Variants in SPTBN4 observed in about 807,000 individuals in gnomAD.
The protein encoded by SPTBN4 is spectrin beta, non-erythrocytic 4, also known as spectrin beta chain, non-erythrocytic 4.
A neutral mutation model predicts 277.8 loss-of-function variants in SPTBN4; 96 were observed. That is an observed-to-expected ratio of 0.35 (90% confidence interval 0.29 to 0.41). The LOEUF (loss-of-function observed/expected upper bound fraction) is 0.41. Ranked by LOEUF, SPTBN4 falls within the 10% of genes least tolerant of loss-of-function variation. SPTBN4 has a pLI of 1.00. For missense variants in SPTBN4, 3,006 were observed against 3,595.7 expected, an observed-to-expected ratio of 0.84 and a Z score of 4.19; for synonymous variants, 1,481 against 1,580.3, an observed-to-expected ratio of 0.94 and a Z score of 1.49.
chr19:40,506,499 G>A, intron 13 of SPTBN4, 113 bp downstream of exon 13: 1 of 1,413,168 alleles, frequency 7.1e-7, no homozygotes, highest in Non-Finnish European at 9.3e-7. Context: ...GTCCTTGGAG[G>A]CATTTAAGCA....
At chr19:40,511,375 T>A (rs987032530) in intron 13 of SPTBN4, among the ~76,000 whole-genome samples, 7 of 152,144 alleles carry the variant, frequency 4.6e-5, no homozygotes, top group African/African-American at 1.7e-4. Context: ...GCCATTGCAC[T>A]CCAGCCCAGG....
chr19:40,567,893 G>C lies in SPTBN4; in HGVS notation c.6567G>C (p.Gln2189His), dbSNP rs2081111673. 6.6e-7 allele frequency: 1 copy of C among 1,523,730 alleles called. No homozygotes were observed. The highest frequency in any genetic ancestry group is 2.7e-5 in the East Asian group (1 of 37,622). The allele number at this position is 1,523,730 out of a possible 1,614,324, so 94.4% of individuals were successfully genotyped here. Residue 2189 changes from glutamine to histidine, a missense_variant, in exon 31 of 36, where the codon CAG becomes CAC. By Grantham distance (24) the Gln-to-His change is conservative. Coordinates refer to ENST00000598249, the MANE Select transcript of SPTBN4 (RefSeq NM_020971.3). ...AGGAGCTCAAGCCCGAGCGCCTCCA[G>C]CCGCGCATTGACCGGCTGCCGGAGA... ...VRQELKPERL[Q>H]PRIDRLPEIP...
Position 40,520,133 on chromosome 19 carries a change from C to T in SPTBN4, c.3636C>T (p.Leu1212=), listed in dbSNP as rs772871461. The part of the protein sequence containing the change: ...QLFLRDLRQA[L]VVLRNQEMAL... ...TCCTGCGGGATCTACGCCAGGCGCTCGTGGTGCTGCGTAACCAGGTGCCCA... is the reference window on the plus strand; with the variant it reads ...TCCTGCGGGATCTACGCCAGGCGCTTGTGGTGCTGCGTAACCAGGTGCCCA... The change falls in exon 16 of 36, where the codon CTC becomes CTT. Residue 1212 remains leucine, a synonymous_variant. Transcript: ENST00000598249. The T allele has an allele frequency of 2.1e-6, 3 of 1,439,116 alleles. No homozygotes were observed. Among genetic ancestry groups the T allele is most frequent in the East Asian group, 5.4e-5 (2 of 36,968 alleles). The allele number at this position is 1,439,116 out of a possible 1,614,324, so 89.1% of individuals were successfully genotyped here. A position where few individuals can be genotyped will look rare whatever the true frequency, so the allele number is the denominator to read the frequency against.
chr19:40,536,981 A>G (rs1599779045), intron 20 of SPTBN4, among the ~76,000 whole-genome samples: 2 of 150,716 alleles, frequency 1.3e-5, no homozygotes, highest in African/African-American at 2.4e-5. Context: ...GAATCTCACT[A>G]TGTTGGCCAG....
At position 40,569,936 on chromosome 19, in the gene SPTBN4, C is replaced by CCACACACACACACACA. The variant is rs60074818; in HGVS notation, c.7026+233_7026+248dup. ...TACCTAAGAGACCCCTACTGCCCCT[C>CCACACACACACACACA]CACACACACACACACACACACACAC... On this transcript the variant is annotated intron_variant, in intron 32 of 35. Coordinates refer to ENST00000598249, the MANE Select transcript of SPTBN4 (RefSeq NM_020971.3). Among the ~76,000 whole-genome samples the CCACACACACACACACA allele has an allele frequency of 5.6e-4, 73 of 131,462 alleles. 1 individual carries two copies. The highest frequency in any genetic ancestry group is 5.6e-4 in the African/African-American group (19 of 33,636). The allele number at this position is 131,462 out of a possible 152,430, so 86.2% of individuals were successfully genotyped here.
At chr19:40,511,099 G>C (rs1018795873) in intron 13 of SPTBN4, among the ~76,000 whole-genome samples, 5 of 151,978 alleles carry the variant, frequency 3.3e-5, no homozygotes, top group African/African-American at 4.8e-5. Context: ...GGCTAACACA[G>C]AGGTTTTATA....
At chr19:40,574,677 C>T (rs1409224695) in intron 35 of SPTBN4, among the ~76,000 whole-genome samples, 3 of 152,022 alleles carry the variant, frequency 2.0e-5, no homozygotes, top group African/African-American at 7.2e-5. Flanking sequence ...TAGGCCTTTA[C>T]CCACTACATG....
Position 40,532,658 on chromosome 19 carries a change from G to T in SPTBN4, c.3982G>T (p.Ala1328Ser), listed in dbSNP as rs1231327764. Residue 1328 changes from alanine to serine, a missense_variant, in exon 19 of 36, where the codon GCG becomes TCG. By Grantham distance (99) the Ala-to-Ser change is moderately conservative. Coordinates refer to ENST00000598249, the MANE Select transcript of SPTBN4 (RefSeq NM_020971.3). ...DGWIHEKMLM[A>S]RDGTREDNHK... is the part of the protein sequence containing the mutation. ...CTGGATCCATGAGAAGATGCTGATGGCGCGGGATGGCACGCGGGAGGACAA... is the reference window on the plus strand; with the variant it reads ...CTGGATCCATGAGAAGATGCTGATGTCGCGGGATGGCACGCGGGAGGACAA... The T allele has an allele frequency of 5.0e-6, 8 of 1,613,440 alleles. No individual in the cohort carries two copies. Among genetic ancestry groups the T allele is most frequent in the Non-Finnish European group, 5.1e-6 (6 of 1,179,704 alleles).
At position 40,490,422 on chromosome 19, in the gene SPTBN4, C is replaced by T. The variant is rs1028354595; in HGVS notation, c.495+174C>T. 6.6e-6 allele frequency among the ~76,000 whole-genome samples: 1 copy of T among 152,182 alleles called. No individual in the cohort carries two copies. Among genetic ancestry groups the T allele is most frequent in the South Asian group, 2.1e-4 (1 of 4,832 alleles). On this transcript the variant is annotated intron_variant, in intron 4 of 35. Transcript: ENST00000598249. The surrounding 1 kb of genome is among the most constrained non-coding windows in gnomAD (Gnocchi z 4.3). ...ATAATTGTCACGATCACCACCATCACGATAATCATTTTGTATCGACCCTGT... is the reference window on the plus strand; with the variant it reads ...ATAATTGTCACGATCACCACCATCATGATAATCATTTTGTATCGACCCTGT...
intron 20 of SPTBN4, among the ~76,000 whole-genome samples, chr19:40,542,535 G>A: frequency 6.6e-6 from 1 of 152,068 alleles, no homozygotes; most frequent in Non-Finnish European, 1.5e-5. Flanking sequence ...CCTGCCAGAT[G>A]AGAAAATGCA....
In SPTBN4 at chr19:40,478,117, A is replaced by G. The variant is rs570183396; in HGVS notation, c.169+5327A>G. Among the ~76,000 whole-genome samples, 9 of 152,058 alleles carry G rather than the reference A, an allele frequency of 5.9e-5. No individual in the cohort carries two copies. In the East Asian group the frequency reaches 1.8e-3, roughly 30 times the overall value. The stretch of plus-strand genomic sequence containing the variant: ...AGCTTCCCAAAGTGCTGGGATTACA[A>G]GCATAAGCCACTGAGCCTGGCAGAA... On this transcript the variant is annotated intron_variant, in intron 2 of 35. Coordinates refer to ENST00000598249, the MANE Select transcript of SPTBN4 (RefSeq NM_020971.3).
intron 17 of SPTBN4, chr19:40,524,729 C>A (rs2080570118): frequency 2.4e-6 from 1 of 413,944 alleles, no homozygotes. Flanking sequence ...CTCTAGGAAG[C>A]ATGCAAAGTG....
chr19:40,502,480 G>A lies in SPTBN4; in HGVS notation c.1176G>A (p.Glu392=), dbSNP rs754457450. Residue 392 remains glutamate, a synonymous_variant, in exon 10 of 36, where the codon GAG becomes GAA. Transcript: ENST00000598249. This position sits in a 1 kb window ranked among gnomAD's most constrained non-coding sequence, Gnocchi z 4.9. ...ACNRRLFVPR[E]GCGIWDIDKA... is the part of the protein sequence containing the mutation. Reference sequence around the variant, plus strand: ...ACCGTCGCCTCTTTGTGCCTCGGGAGGGCTGTGGCATCTGGGATATTGACA... The same window carrying A: ...ACCGTCGCCTCTTTGTGCCTCGGGAAGGCTGTGGCATCTGGGATATTGACA... The A allele has an allele frequency of 6.2e-7, 1 of 1,613,326 alleles. No homozygotes were observed. Among genetic ancestry groups the A allele is most frequent in the Non-Finnish European group, 8.5e-7 (1 of 1,179,862 alleles).
chr19:40,545,847 C>T (rs561797879), intron 20 of SPTBN4, among the ~76,000 whole-genome samples: 2 of 152,162 alleles, frequency 1.3e-5, no homozygotes, highest in East Asian at 3.9e-4. Flanking sequence ...CGAGACCATC[C>T]TGGCTAACAT....
chr19:40,495,263 AC>A (rs1371263262), intron 6 of SPTBN4, among the ~76,000 whole-genome samples: 1 of 152,036 alleles, frequency 6.6e-6, no homozygotes, highest in Non-Finnish European at 1.5e-5. Context: ...ATACCCACGC[AC>A]GTGCACAGCC....
intron 15 of SPTBN4, among the ~76,000 whole-genome samples, chr19:40,516,175 T>C (rs61631675): frequency 0.15 from 21,707 of 147,826 alleles, 2,220 homozygotes; most frequent in African/African-American, 0.29. Context: ...GAGGTAGAGA[T>C]TGCAGTGAGC....
chr19:40,512,126 C>T (rs2080397891), intron 13 of SPTBN4, among the ~76,000 whole-genome samples: 1 of 152,150 alleles, frequency 6.6e-6, no homozygotes, highest in Non-Finnish European at 1.5e-5. Context: ...CTGTCTCAAA[C>T]ACACAAACAA....
intron 2 of SPTBN4, among the ~76,000 whole-genome samples, chr19:40,486,670 G>A (rs1201300200): frequency 3.3e-5 from 5 of 151,986 alleles, no homozygotes; most frequent in Admixed American, 3.3e-4. Flanking sequence ...ACCATGCCTG[G>A]CCTATGGTGC....
intron 13 of SPTBN4, among the ~76,000 whole-genome samples, chr19:40,509,706 TCTC>T (rs2080370048): frequency 6.6e-6 from 1 of 152,174 alleles, no homozygotes; most frequent in African/African-American, 2.4e-5. Flanking sequence ...ATTAAGATGT[TCTC>T]CTCCTTTATC....
Sources: gnomAD v4.1 joint callset for allele counts (sites outside exome capture counted in the v4.1 genomes callset) on GRCh38, gnomAD v4.1.1 for gene constraint, Gnocchi (gnomAD v3.1) non-coding constraint, MANE v1.5 for transcripts, NCBI Gene and HGNC (gene_info 2026-07-23, HGNC 2026-07-21) for gene names.